Variants in MPP3 observed in about 807,000 individuals in gnomAD.
The protein encoded by MPP3 is MAGUK p55 scaffold protein 3, also known as MAGUK p55 subfamily member 3.
Under a neutral mutation model 80.7 loss-of-function variants are expected in MPP3, and 48 were observed. The observed-to-expected ratio is 0.59, with a 90% CI of 0.47 to 0.76. The LOEUF is 0.76. MPP3 is among the 30% of genes least tolerant of loss of function. The pLI is 0.00. For synonymous variants in MPP3, 311 were observed against 297.6 expected (o/e 1.04, Z -0.46); for missense variants, 620 against 763.0 (o/e 0.81, Z 2.21).
chr17:43,831,411 T>G, intron 4 of MPP3, 90 bp from the exon 5 acceptor site: 1 of 1,427,280 alleles, frequency 7.0e-7, no homozygotes, highest in Non-Finnish European at 9.9e-7. Context: ...ACTGGGCCAC[T>G]GACAGGGCAC....
intron 16 of MPP3, among the ~76,000 whole-genome samples, chr17:43,812,745 G>A: frequency 6.6e-6 from 1 of 152,198 alleles, no homozygotes. Flanking sequence ...CTTCTCCAGG[G>A]GGTGGATCCA....
At chr17:43,823,663 T>C (rs1289964649) in intron 10 of MPP3, among the ~76,000 whole-genome samples, 1 of 152,310 alleles carries the variant, frequency 6.6e-6, no homozygotes, top group East Asian at 1.9e-4. Context: ...CTCCTCCTCT[T>C]CATGGCCCTG....
chr17:43,821,455 G>A (rs2045457469), intron 10 of MPP3, among the ~76,000 whole-genome samples: 1 of 152,220 alleles, frequency 6.6e-6, no homozygotes, highest in African/African-American at 2.4e-5. Flanking sequence ...CAACTGCGCT[G>A]ACGGAAGGCA....
chr17:43,807,875 G>A (rs2044685413), intron 19 of MPP3, among the ~76,000 whole-genome samples: 1 of 151,994 alleles, frequency 6.6e-6, no homozygotes, highest in Non-Finnish European at 1.5e-5. Flanking sequence ...AAGGAAGACT[G>A]CTTGAGCCCA....
intron 19 of MPP3, 68 bp downstream of exon 19, chr17:43,808,888 A>C: frequency 6.5e-7 from 1 of 1,533,636 alleles, no homozygotes; most frequent in East Asian, 2.3e-5. Context: ...ACCCTTATGC[A>C]GCTAGAAGCG....
At chr17:43,826,358 G>C (rs1301027483) in intron 8 of MPP3, among the ~76,000 whole-genome samples, 3 of 152,178 alleles carry the variant, frequency 2.0e-5, no homozygotes, top group Non-Finnish European at 4.4e-5. Flanking sequence ...CTCAAAGTGG[G>C]CACTGGCCCG....
chr17:43,831,595 A>C lies in MPP3; in HGVS notation c.108T>G (p.Asp36Glu). Reference protein sequence around the residue: ...NHKEEMGFLRDVFSEKSLSYL... With the variant: ...NHKEEMGFLREVFSEKSLSYL... ...AACTGAGGCTTTTTTCACTGAAAACATCCCTCAGGAAGCCCATCTCCTCCT... is the reference window on the plus strand; with the variant it reads ...AACTGAGGCTTTTTTCACTGAAAACCTCCCTCAGGAAGCCCATCTCCTCCT... Residue 36 changes from aspartate (D) to glutamate (E), a missense_variant, in exon 4 of 20, where the codon GAT becomes GAG. Physicochemically the swap from Asp to Glu is conservative, Grantham distance 45. Transcript: ENST00000398389. The C allele has an allele frequency of 6.2e-7, 1 of 1,613,828 alleles. No homozygotes were observed. Among genetic ancestry groups the C allele is most frequent in the Non-Finnish European group, 8.5e-7 (1 of 1,179,826 alleles).
At chr17:43,830,927 G>A (rs2045928919) in intron 5 of MPP3, among the ~76,000 whole-genome samples, 1 of 152,174 alleles carries the variant, frequency 6.6e-6, no homozygotes, top group Admixed American at 6.5e-5. Flanking sequence ...CCAGTCCTCA[G>A]GGCAGTTTGG....
At chr17:43,813,044 GCCCCATTAGGGC>G (rs1342010254) in intron 16 of MPP3, among the ~76,000 whole-genome samples, 5 of 152,166 alleles carry the variant, frequency 3.3e-5, no homozygotes, top group Admixed American at 3.3e-4. Flanking sequence ...CTCTGAGGAG[GCCCCATTAGGGC>G]CCCCACAGCA....
At chr17:43,832,324 C>CCTTGG (rs2046004737) in intron 2 of MPP3, 1 of 267,286 alleles carries the variant, frequency 3.7e-6, no homozygotes, top group African/African-American at 2.3e-5. Flanking sequence ...CCCTGCCTGA[C>CCTTGG]AGTGTCAGCT....
At chr17:43,803,264 T>A (rs1036498838) in intron 19 of MPP3, among the ~76,000 whole-genome samples, 2 of 152,146 alleles carry the variant, frequency 1.3e-5, no homozygotes, top group Non-Finnish European at 2.9e-5. Context: ...ATTTGGCTAT[T>A]TGAGAAATTA....
At position 43,801,485 on chromosome 17, in the gene MPP3, T is replaced by C. The variant is rs1396881773; in HGVS notation, c.*216A>G. 1 of 541,978 alleles carries C rather than the reference T, an allele frequency of 1.8e-6. No individual in the cohort carries two copies. Among genetic ancestry groups the C allele is most frequent in the Non-Finnish European group, 3.2e-6 (1 of 308,316 alleles). The allele number at this position is 541,978 out of a possible 1,614,324, so 33.6% of individuals were successfully genotyped here. A position where few individuals can be genotyped will look rare whatever the true frequency, so the allele number is the denominator to read the frequency against. On this transcript the variant is annotated 3_prime_UTR_variant, in exon 20 of 20. Transcript: ENST00000398389. ...ATAAATGAAATGTGTTGTTTTCTGATATGCCCCTTTCAAATCATGATCCAA... is the reference window on the plus strand; with the variant it reads ...ATAAATGAAATGTGTTGTTTTCTGACATGCCCCTTTCAAATCATGATCCAA...
At chr17:43,831,443 G>A in intron 4 of MPP3, 116 bp downstream of exon 4, 1 of 1,329,800 alleles carries the variant, frequency 7.5e-7, no homozygotes, top group Non-Finnish European at 1.1e-6. Context: ...GTCCTGTGTA[G>A]TGGGCAAGTG....
intron 11 of MPP3, chr17:43,819,037 G>A (rs1027741699): frequency 6.6e-6 from 1 of 152,080 alleles, no homozygotes; most frequent in Admixed American, 6.6e-5. Context: ...TGGGGTTCCC[G>A]AGGAGACAGA....
intron 9 of MPP3, among the ~76,000 whole-genome samples, chr17:43,824,485 T>C (rs1429390099): frequency 1.3e-5 from 2 of 152,108 alleles, no homozygotes; most frequent in African/African-American, 4.8e-5. Context: ...TTTGCTTCCA[T>C]CTCCCCAGTC....
intron 14 of MPP3, among the ~76,000 whole-genome samples, chr17:43,815,547 A>G (rs150125733): frequency 1.3e-5 from 2 of 152,186 alleles, no homozygotes; most frequent in East Asian, 3.9e-4. Context: ...GGCTGCTGCA[A>G]GCTGCAATGT....
chr17:43,825,641 G>A, intron 9 of MPP3, 115 bp downstream of exon 9: 1 of 726,264 alleles, frequency 1.4e-6, no homozygotes, highest in South Asian at 1.7e-5. Context: ...CACTTTGCCT[G>A]CCACCTCCTC....
intron 8 of MPP3, among the ~76,000 whole-genome samples, chr17:43,826,190 C>G: frequency 6.6e-6 from 1 of 152,234 alleles, no homozygotes; most frequent in East Asian, 1.9e-4. Flanking sequence ...GCTATAATCT[C>G]TGCTTCTTTA....
chr17:43,816,559 G>A (rs994237358), intron 13 of MPP3, 118 bp downstream of exon 13: 20 of 940,418 alleles, frequency 2.1e-5, no homozygotes, highest in African/African-American at 8.2e-5. Context: ...GAAGAGGTGC[G>A]CAGACAGTGG....
Sources: gnomAD v4.1 joint callset for allele counts (sites outside exome capture counted in the v4.1 genomes callset) on GRCh38, gnomAD v4.1.1 for gene constraint, MANE v1.5 for transcripts, NCBI Gene and HGNC (gene_info 2026-07-23, HGNC 2026-07-21) for gene names.